RHEB: variants seen among roughly 807,000 people sequenced by gnomAD.
The protein encoded by RHEB is Ras homolog, mTORC1 binding, also known as GTP-binding protein Rheb.
Under a neutral mutation model 28.8 loss-of-function variants are expected in RHEB, and 2 were observed. The observed-to-expected ratio is 0.07, with a 90% CI of 0.03 to 0.22. The LOEUF (loss-of-function observed/expected upper bound fraction) is 0.22. RHEB is among the 10% of genes least tolerant of loss of function. RHEB has a pLI of 1.00. For missense variants in RHEB, 76 were observed against 219.9 expected (o/e 0.35, Z 4.14); for synonymous variants, 69 against 77.3 (o/e 0.89, Z 0.56).
At chr7:151,518,224 TCGA>T (rs1803116133) in intron 1 of RHEB, among the ~76,000 whole-genome samples, 1 of 152,166 alleles carries the variant, frequency 6.6e-6, no homozygotes. Context: ...CCCCCGGCTC[TCGA>T]CGGAGAGGTG....
chr7:151,489,583 T>C (rs1257601380), intron 2 of RHEB, among the ~76,000 whole-genome samples: 3 of 152,212 alleles, frequency 2.0e-5, no homozygotes, highest in Non-Finnish European at 4.4e-5. Flanking sequence ...ACTTTTTCTG[T>C]AAAGGGCCAG....
Position 151,482,533 on chromosome 7 carries a change from C to T in RHEB, c.192+2204G>A, listed in dbSNP as rs150357118. Among the ~76,000 whole-genome samples the T allele has an allele frequency of 2.0e-3, 307 of 152,316 alleles. 1 individual carries two copies. Among genetic ancestry groups the T allele is most frequent in the African/African-American group, 6.9e-3 (288 of 41,566 alleles). On this transcript the variant is annotated intron_variant, in intron 3 of 7. Transcript: ENST00000262187. ...GTTCCCTGAATTGCCTGATACAAAA[C>T]GTGTTTCCACAGTAACATTACATGA...
intron 7 of RHEB, among the ~76,000 whole-genome samples, chr7:151,469,960 C>G (rs958938346): frequency 6.6e-6 from 1 of 152,032 alleles, no homozygotes; most frequent in African/African-American, 2.4e-5. Flanking sequence ...GAAAAATGCA[C>G]TGGGGGCGGG....
In RHEB at chr7:151,506,692, C is replaced by A. The variant is rs149742449; in HGVS notation, c.52+12768G>T. ...TTTCAACTAAAGCCTCAAAATAACA[C>A]AAGCAAAATAACAAACATACATATA... On this transcript the variant is annotated intron_variant, in intron 1 of 7. Coordinates refer to ENST00000262187, the MANE Select transcript of RHEB (RefSeq NM_005614.4). 3.2e-3 allele frequency among the ~76,000 whole-genome samples: 494 copies of A among 152,282 alleles called. 5 individuals carry two copies. Among genetic ancestry groups the A allele is most frequent in the African/African-American group, 0.011 (470 of 41,542 alleles).
rs1802055612 is a variant in RHEB at position 151,466,066 on chromosome 7, A to G, written c.*1053T>C. The G allele has an allele frequency of 6.6e-6, 1 of 152,230 alleles. No homozygotes were observed. The highest frequency in any genetic ancestry group is 1.5e-5 in the Non-Finnish European group (1 of 68,026). The allele number at this position is 152,230 out of a possible 1,614,324, so 9.4% of individuals were successfully genotyped here. ...AGTCAATGGTAACATTTGCTTACGT[A>G]TTAGAAATAGCCCTGTGAAATTTTA... On this transcript the variant is annotated 3_prime_UTR_variant, in exon 8 of 8. Transcript: ENST00000262187.
intron 1 of RHEB, among the ~76,000 whole-genome samples, chr7:151,514,967 A>T (rs1803049812): frequency 6.6e-6 from 1 of 151,952 alleles, no homozygotes; most frequent in South Asian, 2.1e-4. Flanking sequence ...TGAGTCCAGG[A>T]GGTTGACACT....
At chr7:151,514,681 G>A (rs1803045063) in intron 1 of RHEB, among the ~76,000 whole-genome samples, 1 of 152,114 alleles carries the variant, frequency 6.6e-6, no homozygotes, top group African/African-American at 2.4e-5. Flanking sequence ...GTACCCAAGA[G>A]AAATGAAAAC....
chr7:151,497,138 G>A (rs1418726388), intron 1 of RHEB, among the ~76,000 whole-genome samples: 1 of 152,012 alleles, frequency 6.6e-6, no homozygotes, highest in Non-Finnish European at 1.5e-5. Context: ...AGCCTATTGA[G>A]CTCAGCTACA....
chr7:151,483,009 T>C (rs1425607552), intron 3 of RHEB, among the ~76,000 whole-genome samples: 1 of 152,190 alleles, frequency 6.6e-6, no homozygotes, highest in Admixed American at 6.5e-5. Context: ...AAGCCTAGGA[T>C]GGCTCTGCTC....
At chr7:151,492,060 T>C (rs1396907805) in intron 1 of RHEB, among the ~76,000 whole-genome samples, 2 of 152,222 alleles carry the variant, frequency 1.3e-5, no homozygotes, top group Non-Finnish European at 2.9e-5. Flanking sequence ...GGTCTCTCCC[T>C]AATTTCACCT....
intron 4 of RHEB, among the ~76,000 whole-genome samples, chr7:151,473,233 ATGAAG>A (rs371586727): frequency 0.01 from 1,537 of 152,338 alleles, 23 homozygotes; most frequent in African/African-American, 0.035. Flanking sequence ...ACCTGCCCCA[ATGAAG>A]TGAAGCACCT....
rs148315772 is a variant in RHEB at position 151,467,163 on chromosome 7, C to G, written c.511G>C (p.Asp171His). 6.2e-7 allele frequency: 1 copy of G among 1,613,830 alleles called. No homozygotes were observed. Among genetic ancestry groups the G allele is most frequent in the Non-Finnish European group, 8.5e-7 (1 of 1,179,750 alleles). Residue 171 changes from aspartate to histidine, a missense_variant, in exon 8 of 8, where the codon GAC (aspartate) becomes CAC (histidine). Asp to His is a moderately conservative substitution (Grantham distance 81, BLOSUM62 -1). Transcript: ENST00000262187. The part of the protein sequence containing the change: ...RRIILEAEKM[D>H]GAASQGKSSC... ...GACTTGCCTTGTGAAGCTGCCCCGT[C>G]CATTTTTTCTGCCTCCAAAATTATC...
At chr7:151,508,354 C>T (rs1029355537) in intron 1 of RHEB, among the ~76,000 whole-genome samples, 4 of 152,088 alleles carry the variant, frequency 2.6e-5, no homozygotes, top group Non-Finnish European at 5.9e-5. Context: ...TCTGCGCTGA[C>T]CTCATTATCA....
chr7:151,492,940 G>T (rs534873395), intron 1 of RHEB, among the ~76,000 whole-genome samples: 9 of 151,070 alleles, frequency 6.0e-5, no homozygotes, highest in African/African-American at 2.2e-4. Context: ...CCGGGTTGAG[G>T]CGATTCTCCT....
intron 1 of RHEB, among the ~76,000 whole-genome samples, chr7:151,517,464 G>A (rs1054037921): frequency 1.1e-4 from 17 of 151,580 alleles, no homozygotes; most frequent in Non-Finnish European, 1.9e-4. Context: ...TAAATATGGA[G>A]AAGTGGGGTA....
At chr7:151,502,377 G>A (rs1456001121) in intron 1 of RHEB, 1 of 811,810 alleles carries the variant, frequency 1.2e-6, no homozygotes, top group East Asian at 2.4e-5. Flanking sequence ...ATTAAGGCAG[G>A]AGTAAACCGC....
intron 1 of RHEB, 59 bp from the exon 2 acceptor site, chr7:151,491,073 T>C (rs903511811): frequency 2.8e-5 from 36 of 1,278,996 alleles, no homozygotes; most frequent in Non-Finnish European, 3.8e-5. Flanking sequence ...AATTTTTAAT[T>C]TTGCTGTTTT....
At position 151,472,658 on chromosome 7, in the gene RHEB, C is replaced by T. The variant is rs76421837; in HGVS notation, c.276-1053G>A. Among the ~76,000 whole-genome samples, 644 of 152,266 alleles carry T rather than the reference C, an allele frequency of 4.2e-3. 3 individuals carry two copies. Among genetic ancestry groups the T allele is most frequent in the African/African-American group, 0.014 (600 of 41,542 alleles). On this transcript the variant is annotated intron_variant, in intron 4 of 7. Transcript: ENST00000262187. This position sits in a 1 kb window ranked among gnomAD's most constrained non-coding sequence, Gnocchi z 5.2. ...CAGCATGGTCACAGACATCCTATCT[C>T]GCATGTGTGTCGTTTTACTGTTTGT...
chr7:151,491,506 C>T (rs1167491310), intron 1 of RHEB, among the ~76,000 whole-genome samples: 1 of 152,158 alleles, frequency 6.6e-6, no homozygotes, highest in Non-Finnish European at 1.5e-5. Flanking sequence ...GAGGCTGAGG[C>T]AGACGGATCA....
Sources: allele counts gnomAD v4.1 joint callset (sites outside exome capture counted in the v4.1 genomes callset), GRCh38; gene constraint gnomAD v4.1.1; non-coding constraint Gnocchi (gnomAD v3.1); transcripts MANE v1.5; gene names NCBI Gene and HGNC (gene_info 2026-07-23, HGNC 2026-07-21).